The following MGAT4C variants were observed in gnomAD, a reference collection of about 807,000 sequenced individuals.
The protein encoded by MGAT4C is alpha-1,3-mannosyl-glycoprotein 4-beta-N-acetylglucosaminyltransferase C.
A neutral mutation model predicts 40.1 loss-of-function variants in MGAT4C; 19 were observed. The observed-to-expected ratio is 0.47, with a 90% CI of 0.33 to 0.70. The LOEUF (loss-of-function observed/expected upper bound fraction) is 0.70. Ranked by LOEUF, MGAT4C falls within the 30% of genes least tolerant of loss-of-function variation. The probability of loss-of-function intolerance (pLI) is 0.02; values close to 1 mark genes in which losing one functional copy is unlikely to be tolerated. For missense variants in MGAT4C, 491 were observed against 563.2 expected, an observed-to-expected ratio of 0.87 and a Z score of 1.30; for synonymous variants, 181 against 187.1, an observed-to-expected ratio of 0.97 and a Z score of 0.27.
chr12:86,293,951 T>G (rs886742162), intron 4 of MGAT4C, among the ~76,000 whole-genome samples: 10 of 152,138 alleles, frequency 6.6e-5, no homozygotes, highest in Non-Finnish European at 1.5e-5. Context: ...CTTTATGAAT[T>G]AATCCATAAA....
chr12:86,306,346 T>TA (rs986102698), intron 4 of MGAT4C, among the ~76,000 whole-genome samples: 1 of 150,356 alleles, frequency 6.7e-6, no homozygotes, highest in African/African-American at 2.5e-5. Flanking sequence ...GTGTATATAA[T>TA]AAAAAACTGT....
Position 85,957,373 on chromosome 12 carries a change from G to A in MGAT4C, c.*21916C>T, listed in dbSNP as rs1393652661. On this transcript the variant is annotated 3_prime_UTR_variant, in exon 5 of 5. Coordinates refer to ENST00000611864, the MANE Select transcript of MGAT4C (RefSeq NM_001351288.2). The stretch of plus-strand genomic sequence containing the variant: ...AAATTAATTATATTTGGGTCTCATT[G>A]AAGGGCATGGGCCAGAGATATGCAT... 4 of 152,070 alleles carry A rather than the reference G, an allele frequency of 2.6e-5. No homozygotes were observed. The East Asian group carries it at 7.7e-4, about 29-fold the overall frequency. The allele number at this position is 152,070 out of a possible 1,614,324, so 9.4% of individuals were successfully genotyped here. A position where few individuals can be genotyped will look rare whatever the true frequency, so the allele number is the denominator to read the frequency against.
chr12:86,773,943 TTC>T (rs1491077857), intron 1 of MGAT4C, among the ~76,000 whole-genome samples: 921 of 57,914 alleles, frequency 0.016, 4 homozygotes, highest in Non-Finnish European at 0.03. Flanking sequence ...TTAAAGTAAC[TTC>T]TTTTTTTTTT....
chr12:86,638,002 G>C (rs1416584631), intron 2 of MGAT4C, among the ~76,000 whole-genome samples: 1 of 151,886 alleles, frequency 6.6e-6, no homozygotes, highest in East Asian at 1.9e-4. Context: ...GCAGCATGTA[G>C]TTAGACCCTG....
intron 4 of MGAT4C, among the ~76,000 whole-genome samples, chr12:86,287,968 A>T (rs1343501039): frequency 6.6e-6 from 1 of 152,224 alleles, no homozygotes; most frequent in Non-Finnish European, 1.5e-5. Context: ...TCCCACCAAC[A>T]GTGTAAAAGT....
At chr12:86,699,490 A>G (rs1274709232) in intron 2 of MGAT4C, among the ~76,000 whole-genome samples, 3 of 152,078 alleles carry the variant, frequency 2.0e-5, no homozygotes, top group Admixed American at 2.0e-4. Context: ...TTAATATAGG[A>G]CCAGAACAGA....
chr12:86,619,763 A>C (rs991311475), intron 2 of MGAT4C, among the ~76,000 whole-genome samples: 3 of 152,158 alleles, frequency 2.0e-5, no homozygotes, highest in African/African-American at 7.2e-5. Context: ...GAAAGGGAAA[A>C]TAAAACATCA....
chr12:86,016,947 C>G (rs956122392), intron 2 of MGAT4C, among the ~76,000 whole-genome samples: 2 of 123,246 alleles, frequency 1.6e-5, no homozygotes, highest in East Asian at 3.9e-4. Flanking sequence ...AAAATGTTAC[C>G]GTATTACTGA....
intron 2 of MGAT4C, among the ~76,000 whole-genome samples, chr12:86,694,474 A>G: frequency 6.6e-6 from 1 of 152,180 alleles, no homozygotes; most frequent in East Asian, 1.9e-4. Flanking sequence ...GAGTACAGGA[A>G]TTGAATTTTC....
intron 2 of MGAT4C, chr12:86,001,835 C>G (rs1055772101): frequency 6.2e-6 from 1 of 162,358 alleles, no homozygotes; most frequent in Non-Finnish European, 1.3e-5. Context: ...CCCACGGTAA[C>G]TTTTTAGTCA....
chr12:86,700,158 CAGACAGACAGACAGACAGACAGATAGAT>C (rs200171492), intron 2 of MGAT4C, among the ~76,000 whole-genome samples: 14 of 26,866 alleles, frequency 5.2e-4, no homozygotes, highest in Non-Finnish European at 6.7e-4. Flanking sequence ...GACAGACAGA[CAGACAGACAGACAGACAGACAGATAGAT>C]AGATAGATAG....
intron 1 of MGAT4C, among the ~76,000 whole-genome samples, chr12:86,074,339 T>TAGAC (rs1417457103): frequency 7.7e-6 from 1 of 129,908 alleles, no homozygotes; most frequent in Non-Finnish European, 1.6e-5. Flanking sequence ...AATAAACATA[T>TAGAC]AGATAGATAG....
intron 2 of MGAT4C, among the ~76,000 whole-genome samples, chr12:86,592,781 A>AT (rs1203981457): frequency 1.3e-5 from 2 of 152,060 alleles, no homozygotes; most frequent in Non-Finnish European, 2.9e-5. Flanking sequence ...AAATTTTCCA[A>AT]TTATTGTGTA....
At chr12:86,383,573 A>AC (rs1250902496) in intron 3 of MGAT4C, among the ~76,000 whole-genome samples, 2 of 150,576 alleles carry the variant, frequency 1.3e-5, no homozygotes, top group Non-Finnish European at 3.0e-5. Context: ...AAAAAAAAAA[A>AC]AAACAGAAAG....
chr12:86,482,096 ACACAC>A (rs934595006), intron 2 of MGAT4C, among the ~76,000 whole-genome samples: 2 of 151,648 alleles, frequency 1.3e-5, no homozygotes, highest in African/African-American at 4.8e-5. Flanking sequence ...ACACACACAC[ACACAC>A]AAGCAAGTCT....
intron 2 of MGAT4C, among the ~76,000 whole-genome samples, chr12:86,509,488 G>C (rs1327830869): frequency 1.3e-5 from 2 of 152,130 alleles, no homozygotes; most frequent in Non-Finnish European, 2.9e-5. Flanking sequence ...TTGAAGTCAG[G>C]TAGCGTGATG....
At chr12:86,093,116 A>G (rs1015707785) in intron 1 of MGAT4C, among the ~76,000 whole-genome samples, 2 of 151,878 alleles carry the variant, frequency 1.3e-5, no homozygotes, top group African/African-American at 4.8e-5. Context: ...ACTTTTATCT[A>G]TCTACCATAT....
At chr12:86,512,714 G>T (rs1000535182) in intron 2 of MGAT4C, among the ~76,000 whole-genome samples, 2 of 152,032 alleles carry the variant, frequency 1.3e-5, no homozygotes, top group African/African-American at 4.8e-5. Context: ...TTTATATGAG[G>T]TATCTAAAGG....
At chr12:86,416,945 G>T (rs1384013772) in intron 3 of MGAT4C, among the ~76,000 whole-genome samples, 1 of 152,022 alleles carries the variant, frequency 6.6e-6, no homozygotes, top group Non-Finnish European at 1.5e-5. Context: ...ATTTCCTACA[G>T]GTTTCAAAAG....
Sources: allele counts gnomAD v4.1 joint callset (sites outside exome capture counted in the v4.1 genomes callset), GRCh38; gene constraint gnomAD v4.1.1; transcripts MANE v1.5; gene names NCBI Gene and HGNC (gene_info 2026-07-23, HGNC 2026-07-21).